Variants in RINT1 observed in about 807,000 individuals in gnomAD.
RINT1 encodes RAD50 interactor 1.
In RINT1, 75 loss-of-function variants were observed where a neutral mutation model predicts 97.7. The observed-to-expected ratio is 0.77, with a 90% CI of 0.64 to 0.93. The LOEUF (loss-of-function observed/expected upper bound fraction) is 0.93. RINT1 is among the 40% of genes least tolerant of loss of function. RINT1 has a pLI of 0.00. For missense variants in RINT1, 892 were observed against 925.2 expected, an observed-to-expected ratio of 0.96 and a Z score of 0.47; for synonymous variants, 303 against 326.3, an observed-to-expected ratio of 0.93 and a Z score of 0.77.
chr7:105,547,180 G>T lies in RINT1; in HGVS notation c.690-4G>T. 6.2e-7 allele frequency: 1 copy of T among 1,614,062 alleles called. No homozygotes were observed. Among genetic ancestry groups the T allele is most frequent in the Non-Finnish European group, 8.5e-7 (1 of 1,179,994 alleles). ...GAAATGTATGTGTTACTTTTCCATT[G>T]CAGTGATTTTGAGGAAATTTTAGCA... On this transcript the variant is annotated splice_polypyrimidine_tract_variant and splice_region_variant and intron_variant, in intron 5 of 14. Coordinates refer to ENST00000257700, the MANE Select transcript of RINT1 (RefSeq NM_021930.6).
intron 11 of RINT1, among the ~76,000 whole-genome samples, chr7:105,561,418 C>T (rs915789829): frequency 6.6e-6 from 1 of 151,936 alleles, no homozygotes; most frequent in Non-Finnish European, 1.5e-5. Flanking sequence ...GTCCCAGCTA[C>T]TCGGGAGGCT....
intron 2 of RINT1, 134 bp downstream of exon 2, chr7:105,533,003 TA>T: frequency 2.6e-6 from 2 of 782,830 alleles, no homozygotes; most frequent in Non-Finnish European, 4.4e-6. Context: ...TATATGGTAA[TA>T]CTGATGACCA....
At chr7:105,545,844 G>A (rs1235271324) in intron 4 of RINT1, among the ~76,000 whole-genome samples, 2 of 144,640 alleles carry the variant, frequency 1.4e-5, no homozygotes, top group Non-Finnish European at 3.0e-5. Flanking sequence ...TCACTCTGTT[G>A]CCAGGCTAGA....
At chr7:105,556,135 C>T (rs547151047) in intron 11 of RINT1, among the ~76,000 whole-genome samples, 6 of 150,594 alleles carry the variant, frequency 4.0e-5, no homozygotes, top group South Asian at 2.1e-4. Context: ...GGTGCGATCT[C>T]GGCTCACTGC....
At chr7:105,532,913 C>T in intron 2 of RINT1, 44 bp downstream of exon 2, 1 of 1,592,134 alleles carries the variant, frequency 6.3e-7, no homozygotes, top group Non-Finnish European at 8.6e-7. Flanking sequence ...CCCGCCCAAA[C>T]TCAGCCTTCC....
chr7:105,561,716 C>T (rs1268091770), intron 11 of RINT1, among the ~76,000 whole-genome samples: 1 of 151,980 alleles, frequency 6.6e-6, no homozygotes, highest in Non-Finnish European at 1.5e-5. Context: ...CACCTGCCAC[C>T]ATGCCCAGGT....
chr7:105,561,443 G>T (rs1791432488), intron 11 of RINT1, among the ~76,000 whole-genome samples: 1 of 152,028 alleles, frequency 6.6e-6, no homozygotes, highest in South Asian at 2.1e-4. Flanking sequence ...CAGGAGAATC[G>T]CCTGAACCAG....
intron 3 of RINT1, among the ~76,000 whole-genome samples, chr7:105,540,252 G>A (rs928318517): frequency 1.3e-5 from 2 of 150,820 alleles, no homozygotes; most frequent in African/African-American, 4.9e-5. Context: ...GCTCATTTTT[G>A]TATTTGTATT....
At chr7:105,552,400 T>C (rs1009429343) in intron 10 of RINT1, among the ~76,000 whole-genome samples, 1 of 152,158 alleles carries the variant, frequency 6.6e-6, no homozygotes, top group Non-Finnish European at 1.5e-5. Context: ...AATGAAGTAA[T>C]TTTAAGGATT....
intron 3 of RINT1, among the ~76,000 whole-genome samples, chr7:105,541,334 A>C (rs1790449599): frequency 7.0e-6 from 1 of 143,202 alleles, no homozygotes; most frequent in Admixed American, 7.0e-5. Flanking sequence ...ATGGGGTTTC[A>C]TCATGTTGGC....
At chr7:105,540,172 G>A (rs1790401008) in intron 3 of RINT1, among the ~76,000 whole-genome samples, 1 of 150,506 alleles carries the variant, frequency 6.6e-6, no homozygotes, top group South Asian at 2.1e-4. Flanking sequence ...TCTGCCTTCC[G>A]GGTTTCAAGT....
chr7:105,559,576 C>CAAA (rs1791346446), intron 11 of RINT1, among the ~76,000 whole-genome samples: 1 of 145,952 alleles, frequency 6.9e-6, no homozygotes, highest in African/African-American at 2.6e-5. Flanking sequence ...AAAGAAAAAG[C>CAAA]CAGGTGTGGT....
rs1586243760 is a variant in RINT1 at position 105,551,701 on chromosome 7, A to G, written c.1465A>G (p.Ile489Val). Residue 489 changes from isoleucine to valine, a missense_variant, in exon 10 of 15, where the codon ATA becomes GTA. By Grantham distance (29) the Ile-to-Val change is conservative. Coordinates refer to ENST00000257700, the MANE Select transcript of RINT1 (RefSeq NM_021930.6). Reference sequence around the variant, plus strand: ...AACTTTTATGACTCTACTCTTGGTTATAACTGGTAAGTATGTCTTTTAAGA... The same window carrying G: ...AACTTTTATGACTCTACTCTTGGTTGTAACTGGTAAGTATGTCTTTTAAGA... Reference protein sequence around the residue: ...AETFMTLLLVITDRYKNLPTA... With the variant: ...AETFMTLLLVVTDRYKNLPTA... The G allele has an allele frequency of 5.0e-6, 8 of 1,594,872 alleles. No individual in the cohort carries two copies. Among genetic ancestry groups the G allele is most frequent in the Non-Finnish European group, 6.8e-6 (8 of 1,172,730 alleles).
At chr7:105,535,513 C>A in intron 2 of RINT1, 1 of 439,342 alleles carries the variant, frequency 2.3e-6, no homozygotes, top group South Asian at 1.7e-5. Context: ...CAGGCCTGAG[C>A]CACCTCGCCC....
intron 6 of RINT1, among the ~76,000 whole-genome samples, chr7:105,548,044 T>A (rs1021579595): frequency 1.3e-5 from 2 of 151,978 alleles, no homozygotes; most frequent in Non-Finnish European, 2.9e-5. Flanking sequence ...GTGCTTTTTT[T>A]AAAGACATGG....
Position 105,550,489 on chromosome 7 carries a change from A to G in RINT1, c.1333+3A>G. The stretch of plus-strand genomic sequence containing the variant: ...ATGGTTGACGGTGGAGAGAAAATGT[A>G]AGTGCTGATGTGGCCAGATGGTAGG... On this transcript the variant is annotated splice_donor_region_variant and intron_variant, in intron 9 of 14. Transcript: ENST00000257700. 6.2e-7 allele frequency: 1 copy of G among 1,603,526 alleles called. No homozygotes were observed. Among genetic ancestry groups the G allele is most frequent in the Non-Finnish European group, 8.5e-7 (1 of 1,170,438 alleles).
intron 1 of RINT1, 43 bp from the exon 2 acceptor site, chr7:105,532,781 G>A: frequency 6.2e-7 from 1 of 1,608,184 alleles, no homozygotes; most frequent in Non-Finnish European, 8.5e-7. Flanking sequence ...TTCCATCCAC[G>A]ACTTTAATCT....
intron 2 of RINT1, among the ~76,000 whole-genome samples, chr7:105,536,313 C>T (rs924693782): frequency 2.9e-4 from 44 of 152,112 alleles, no homozygotes; most frequent in Non-Finnish European, 5.0e-4. Flanking sequence ...CCTGTGCCCC[C>T]ACGCCTGGCT....
chr7:105,555,019 T>C lies in RINT1; in HGVS notation c.1472-9T>C. On this transcript the variant is annotated splice_polypyrimidine_tract_variant and intron_variant, in intron 10 of 14. Coordinates refer to ENST00000257700, the MANE Select transcript of RINT1 (RefSeq NM_021930.6). ...AAACCTTCATATGTCTTAATAACTT[T>C]TTCCACAGACAGGTATAAAAATCTT... 1 of 1,611,252 alleles carries C rather than the reference T, an allele frequency of 6.2e-7. No homozygotes were observed. The highest frequency in any genetic ancestry group is 8.5e-7 in the Non-Finnish European group (1 of 1,178,772).
Sources: gnomAD v4.1 joint callset for allele counts (sites outside exome capture counted in the v4.1 genomes callset) on GRCh38, gnomAD v4.1.1 for gene constraint, MANE v1.5 for transcripts, NCBI Gene and HGNC (gene_info 2026-07-23, HGNC 2026-07-21) for gene names.